FSD1L: variants seen among roughly 807,000 people sequenced by gnomAD.
FSD1L encodes FSD1-like protein.
FSD1L carries 45 observed loss-of-function variants against 71.6 expected under a neutral mutation model. The ratio of observed to expected loss-of-function variants is 0.63; its 90% CI spans 0.49 to 0.81. The LOEUF (loss-of-function observed/expected upper bound fraction) is 0.81. Ranked by LOEUF, FSD1L falls within the 30% of genes least tolerant of loss-of-function variation. The probability of loss-of-function intolerance (pLI) is 0.00; values close to 1 mark genes in which losing one functional copy is unlikely to be tolerated. For synonymous variants in FSD1L, 197 were observed against 207.2 expected (o/e 0.95, Z 0.42); for missense variants, 561 against 618.1 (o/e 0.91, Z 0.98).
chr9:105,471,412 A>G (rs1410761132), intron 4 of FSD1L, among the ~76,000 whole-genome samples: 2 of 152,206 alleles, frequency 1.3e-5, no homozygotes, highest in East Asian at 3.9e-4. Context: ...GGAGCAGCCA[A>G]TAGAAACATT....
intron 7 of FSD1L, among the ~76,000 whole-genome samples, chr9:105,505,929 A>G (rs1834026999): frequency 6.6e-6 from 1 of 152,230 alleles, no homozygotes; most frequent in African/African-American, 2.4e-5. Context: ...ATGTTCATAC[A>G]TTTTAAATGT....
At position 105,494,960 on chromosome 9, in the gene FSD1L, C is replaced by G. The variant is rs570083830; in HGVS notation, c.586+10458C>G. Among the ~76,000 whole-genome samples, 9 of 152,290 alleles carry G rather than the reference C, an allele frequency of 5.9e-5. No homozygotes were observed. In the East Asian group the frequency reaches 1.4e-3, roughly 23 times the overall value. ...CTGCTCGGGGGTCAGGGGTCACGGA[C>G]CCACTTGAGGAGGCTGTCTGCCTGT... is the stretch of plus-strand genomic sequence containing the variant. On this transcript the variant is annotated intron_variant, in intron 7 of 13. Coordinates refer to ENST00000481272, the MANE Select transcript of FSD1L (RefSeq NM_001145313.3).
intron 10 of FSD1L, chr9:105,523,301 G>A (rs1053648094): frequency 1.6e-5 from 25 of 1,592,242 alleles, no homozygotes; most frequent in Admixed American, 1.0e-4. Flanking sequence ...TGGAACAGAA[G>A]GATCTGCAGC....
intron 10 of FSD1L, among the ~76,000 whole-genome samples, chr9:105,533,718 G>GC (rs11348873): frequency 6.7e-6 from 1 of 149,608 alleles, no homozygotes; most frequent in Non-Finnish European, 1.5e-5. Context: ...ACCGCGTGCA[G>GC]CCCCCCCGTC....
At chr9:105,448,290 TG>T in intron 1 of FSD1L, 55 bp downstream of exon 1, 1 of 548,480 alleles carries the variant, frequency 1.8e-6, no homozygotes, top group Non-Finnish European at 2.8e-6. Context: ...CGGCACAGGG[TG>T]GGCGGGGCGC....
At chr9:105,460,928 T>G (rs1830652369) in intron 1 of FSD1L, among the ~76,000 whole-genome samples, 1 of 152,240 alleles carries the variant, frequency 6.6e-6, no homozygotes, top group Non-Finnish European at 1.5e-5. Flanking sequence ...TGAGAGTTGG[T>G]AATTTTAAAA....
intron 11 of FSD1L, 95 bp from the exon 12 acceptor site, chr9:105,534,972 A>G (rs540022919): frequency 8.0e-7 from 1 of 1,249,114 alleles, no homozygotes; most frequent in South Asian, 1.3e-5. Context: ...ACTTGAATAA[A>G]AATTTTTGTG....
intron 6 of FSD1L, 98 bp downstream of exon 6, chr9:105,479,474 A>G: frequency 9.8e-7 from 1 of 1,022,114 alleles, no homozygotes; most frequent in South Asian, 1.5e-5. Flanking sequence ...AGTTAAGATA[A>G]AAGTACCCAA....
intron 1 of FSD1L, among the ~76,000 whole-genome samples, chr9:105,452,661 GCCTGCCTGCCTTCCTT>G (rs1485847167): frequency 3.1e-4 from 30 of 95,294 alleles, no homozygotes; most frequent in African/African-American, 4.3e-4. Flanking sequence ...CTGCCTGCCT[GCCTGCCTGCCTTCCTT>G]CCTTCCTTCC....
chr9:105,476,387 G>A (rs1386782729), intron 5 of FSD1L, among the ~76,000 whole-genome samples: 3 of 151,992 alleles, frequency 2.0e-5, no homozygotes, highest in African/African-American at 2.4e-5. Context: ...TGTCACCTGA[G>A]ACCAAACTTC....
At chr9:105,454,927 G>A (rs2131579437) in intron 1 of FSD1L, among the ~76,000 whole-genome samples, 1 of 152,328 alleles carries the variant, frequency 6.6e-6, no homozygotes, top group South Asian at 2.1e-4. Flanking sequence ...CTGTTAGAGA[G>A]GGTGTAGCCT....
intron 4 of FSD1L, 79 bp from the exon 5 acceptor site, chr9:105,471,825 A>T: frequency 1.9e-6 from 1 of 517,790 alleles, no homozygotes; most frequent in Non-Finnish European, 3.3e-6. Flanking sequence ...TAAGTTCATT[A>T]TAACAATATA....
At chr9:105,537,417 A>C (rs1338037575) in intron 12 of FSD1L, among the ~76,000 whole-genome samples, 1 of 152,204 alleles carries the variant, frequency 6.6e-6, no homozygotes, top group Non-Finnish European at 1.5e-5. Flanking sequence ...CCTCAGGATA[A>C]ATGGCAAATT....
chr9:105,458,817 A>T (rs1025122904), intron 1 of FSD1L, among the ~76,000 whole-genome samples: 1 of 152,168 alleles, frequency 6.6e-6, no homozygotes, highest in African/African-American at 2.4e-5. Flanking sequence ...TGCTGCTATC[A>T]CTAGAACCAT....
chr9:105,512,167 C>T (rs937025713), intron 9 of FSD1L, among the ~76,000 whole-genome samples: 6 of 151,998 alleles, frequency 3.9e-5, no homozygotes, highest in African/African-American at 1.4e-4. Flanking sequence ...ATAGTTAATT[C>T]CTCAAAATAT....
In FSD1L at chr9:105,551,718, A is replaced by G. The variant is rs907849671; in HGVS notation, c.*5235A>G. On this transcript the variant is annotated 3_prime_UTR_variant, in exon 14 of 14. Transcript: ENST00000481272. ...GGCCTTTTTGTATTTTCTCAAGCCT[A>G]TTACTCTAGAGCTGTAAAAGCTCTT... 2.0e-5 allele frequency: 3 copies of G among 152,280 alleles called. No individual in the cohort carries two copies. The highest frequency in any genetic ancestry group is 3.4e-3 in the Middle Eastern group (1 of 294). 9.4% of individuals were successfully genotyped at this position (152,280 alleles called of 1,614,324 possible). A position where few individuals can be genotyped will look rare whatever the true frequency, so the allele number is the denominator to read the frequency against.
Position 105,517,358 on chromosome 9 carries a change from C to A in FSD1L, c.1025+4422C>A, listed in dbSNP as rs1834795202. Among the ~76,000 whole-genome samples the A allele has an allele frequency of 1.3e-5, 2 of 152,124 alleles. 1 individual carries two copies. The highest frequency in any genetic ancestry group is 1.3e-4 in the Admixed American group (2 of 15,284). On this transcript the variant is annotated intron_variant, in intron 10 of 13. Coordinates refer to ENST00000481272, the MANE Select transcript of FSD1L (RefSeq NM_001145313.3). ...ACATACTCCTCAAGAAGAGCAACCC[C>A]AAGAAACCTAATTGTCAGATCCACC...
intron 1 of FSD1L, among the ~76,000 whole-genome samples, chr9:105,452,304 A>G (rs1281855772): frequency 6.6e-6 from 1 of 152,222 alleles, no homozygotes; most frequent in African/African-American, 2.4e-5. Flanking sequence ...TCCTGAGGAA[A>G]GAGGAATGAA....
chr9:105,458,416 C>T (rs1008728706), intron 1 of FSD1L, among the ~76,000 whole-genome samples: 4 of 152,102 alleles, frequency 2.6e-5, no homozygotes, highest in East Asian at 3.9e-4. Flanking sequence ...TCTTGTCCTG[C>T]GTCCAGGAAG....
Sources: allele counts gnomAD v4.1 joint callset (sites outside exome capture counted in the v4.1 genomes callset), GRCh38; gene constraint gnomAD v4.1.1; transcripts MANE v1.5; gene names NCBI Gene and HGNC (gene_info 2026-07-23, HGNC 2026-07-21).